Variants in ARNT2 observed in about 807,000 individuals in gnomAD.
The protein encoded by ARNT2 is ARNT protein 2.
In ARNT2, 36 loss-of-function variants were observed where a neutral mutation model predicts 91.7. The observed-to-expected ratio is 0.39, with a 90% CI of 0.30 to 0.52. ARNT2 has a LOEUF of 0.52. ARNT2 is among the 20% of genes least tolerant of loss of function. The pLI is 0.72. For missense variants in ARNT2, 775 were observed against 939.3 expected, an observed-to-expected ratio of 0.83 and a Z score of 2.29; for synonymous variants, 365 against 347.1, an observed-to-expected ratio of 1.05 and a Z score of -0.57.
rs547249191 is a variant in ARNT2, at chr15:80,501,554, A to G, written c.623-6602A>G. ...AAAAACAAGAATAGCAAGTTATTCA[A>G]TCTTGTAGCCTGAGGCCTTGCTCTG... is the stretch of plus-strand genomic sequence containing the variant. On this transcript the variant is annotated intron_variant, in intron 5 of 18. Coordinates refer to ENST00000303329, the MANE Select transcript of ARNT2 (RefSeq NM_014862.4). Among the ~76,000 whole-genome samples, 18 of 152,382 alleles carry G rather than the reference A, an allele frequency of 1.2e-4. No individual in the cohort carries two copies. In the South Asian group the frequency reaches 2.7e-3, roughly 23 times the overall value.
At chr15:80,572,223 C>T (rs1253786013) in intron 12 of ARNT2, among the ~76,000 whole-genome samples, 2 of 152,070 alleles carry the variant, frequency 1.3e-5, no homozygotes, top group East Asian at 1.9e-4. Flanking sequence ...TGCACAGGGG[C>T]GGGTGCAGGT....
intron 5 of ARNT2, among the ~76,000 whole-genome samples, chr15:80,487,241 C>T (rs1002213421): frequency 6.6e-6 from 1 of 152,228 alleles, no homozygotes; most frequent in Non-Finnish European, 1.5e-5. Context: ...CCTCTCATGC[C>T]TGAGTCCTGC....
intron 4 of ARNT2, 114 bp from the exon 5 acceptor site, chr15:80,474,896 T>G: frequency 9.3e-7 from 1 of 1,070,088 alleles, no homozygotes; most frequent in Non-Finnish European, 1.4e-6. Flanking sequence ...AAACTATTTG[T>G]GTACCAGAAT....
intron 5 of ARNT2, among the ~76,000 whole-genome samples, chr15:80,485,024 T>C (rs1478353620): frequency 6.6e-6 from 1 of 152,194 alleles, no homozygotes; most frequent in Non-Finnish European, 1.5e-5. Context: ...CAATGACATA[T>C]GGGATAGTAT....
intron 5 of ARNT2, among the ~76,000 whole-genome samples, chr15:80,479,809 TG>T (rs1896859078): frequency 6.6e-6 from 1 of 152,164 alleles, no homozygotes; most frequent in Non-Finnish European, 1.5e-5. Flanking sequence ...CCTGCCCTGC[TG>T]TTGGCTGATC....
chr15:80,494,735 A>G (rs571467071), intron 5 of ARNT2, among the ~76,000 whole-genome samples: 2 of 152,246 alleles, frequency 1.3e-5, no homozygotes, highest in Admixed American at 1.3e-4. Context: ...GAGCCACGAG[A>G]GCCCAGTTGT....
At chr15:80,590,579 A>T (rs943931605) in intron 17 of ARNT2, among the ~76,000 whole-genome samples, 7 of 152,228 alleles carry the variant, frequency 4.6e-5, no homozygotes, top group Non-Finnish European at 8.8e-5. Flanking sequence ...CTCTAAAAAA[A>T]AAATGTTTTT....
intron 12 of ARNT2, among the ~76,000 whole-genome samples, chr15:80,563,669 G>A (rs1438433069): frequency 1.3e-5 from 2 of 152,132 alleles, no homozygotes; most frequent in African/African-American, 4.8e-5. Context: ...GCAGCTCTAG[G>A]GAATGGGACA....
chr15:80,513,882 C>T, intron 6 of ARNT2, 29 bp from the exon 7 acceptor site: 1 of 1,588,070 alleles, frequency 6.3e-7, no homozygotes, highest in Non-Finnish European at 8.6e-7. Flanking sequence ...TGGGTCTTTG[C>T]TCATTCTAAT....
intron 6 of ARNT2, among the ~76,000 whole-genome samples, chr15:80,510,585 T>C (rs937544307): frequency 1.4e-5 from 2 of 145,438 alleles, no homozygotes; most frequent in Admixed American, 6.8e-5. Context: ...AATCCCAGCA[T>C]TTTGGGAGGC....
At chr15:80,474,475 A>C (rs890177516) in intron 4 of ARNT2, among the ~76,000 whole-genome samples, 4 of 152,266 alleles carry the variant, frequency 2.6e-5, no homozygotes, top group Non-Finnish European at 1.5e-5. Flanking sequence ...CAGTGCCAGC[A>C]TTCAGCTCAG....
intron 17 of ARNT2, among the ~76,000 whole-genome samples, chr15:80,588,725 C>T (rs538367635): frequency 2.6e-5 from 4 of 152,256 alleles, no homozygotes; most frequent in South Asian, 2.1e-4. Context: ...AGCCCTATAC[C>T]GGATTAATTA....
intron 1 of ARNT2, among the ~76,000 whole-genome samples, chr15:80,415,860 G>A (rs1895774092): frequency 6.6e-6 from 1 of 152,144 alleles, no homozygotes; most frequent in Non-Finnish European, 1.5e-5. Flanking sequence ...TTTGGTGGGG[G>A]TTGGGGGAAG....
intron 8 of ARNT2, among the ~76,000 whole-genome samples, chr15:80,550,291 G>A (rs913561720): frequency 3.3e-5 from 5 of 152,142 alleles, no homozygotes; most frequent in African/African-American, 9.7e-5. Context: ...ACATTTCTCC[G>A]GCTCACAAAA....
At position 80,575,118 on chromosome 15, in the gene ARNT2, T is replaced by C. The variant is rs748938567; in HGVS notation, c.1513+8T>C. ...TTGCAGGAATTAGTGCATGTAAGTT[T>C]CCAAATGGTACTGAGGTTTTGAGAG... On this transcript the variant is annotated splice_region_variant and intron_variant, in intron 14 of 18. Coordinates refer to ENST00000303329, the MANE Select transcript of ARNT2 (RefSeq NM_014862.4). 6.8e-6 allele frequency: 11 copies of C among 1,613,994 alleles called. No individual in the cohort carries two copies. The South Asian group carries it at 1.2e-4, about 18-fold the overall frequency.
At chr15:80,451,478 G>A (rs1029644351) in intron 2 of ARNT2, among the ~76,000 whole-genome samples, 1 of 152,204 alleles carries the variant, frequency 6.6e-6, no homozygotes, top group African/African-American at 2.4e-5. Flanking sequence ...CTGCTCTGCT[G>A]GTGAAGGTGG....
rs190742686 is a variant in ARNT2, at chr15:80,497,953, G to C, written c.623-10203G>C. ...TCCACTTTCGTGTTAGTCTCCAAGT[G>C]TTTGCAAGAAGCTGAACATCTGCAT... On this transcript the variant is annotated intron_variant, in intron 5 of 18. Transcript: ENST00000303329. Among the ~76,000 whole-genome samples, 508 of 152,304 alleles carry C rather than the reference G, an allele frequency of 3.3e-3. 2 individuals are homozygous for C. The highest frequency in any genetic ancestry group is 6.2e-3 in the Non-Finnish European group (423 of 68,020).
At chr15:80,424,987 T>G (rs76829178) in intron 1 of ARNT2, among the ~76,000 whole-genome samples, 3,249 of 152,308 alleles carry the variant, frequency 0.021, 118 homozygotes, top group African/African-American at 0.074. Flanking sequence ...GGGTTGAAGT[T>G]GAAGGAACAC....
At chr15:80,421,460 G>A (rs1365640779) in intron 1 of ARNT2, among the ~76,000 whole-genome samples, 1 of 150,530 alleles carries the variant, frequency 6.6e-6, no homozygotes, top group Non-Finnish European at 1.5e-5. Context: ...AAGGAAGGAA[G>A]GAAAGCTGTC....
Sources: allele counts gnomAD v4.1 joint callset (sites outside exome capture counted in the v4.1 genomes callset), GRCh38; gene constraint gnomAD v4.1.1; transcripts MANE v1.5; gene names NCBI Gene and HGNC (gene_info 2026-07-23, HGNC 2026-07-21).